Variants in CHRDL1 observed in about 807,000 individuals in gnomAD.
CHRDL1 encodes chordin like 1.
Under a neutral mutation model 40.9 loss-of-function variants are expected in CHRDL1, and 19 were observed. That is an observed-to-expected ratio of 0.46 (90% confidence interval 0.32 to 0.68). The LOEUF is 0.68. Among genes scored for constraint, CHRDL1 ranks in the 30% least tolerant of loss-of-function variants. The pLI is 0.03. For synonymous variants in CHRDL1, 136 were observed against 123.4 expected (o/e 1.10, Z -0.68); for missense variants, 329 against 352.1 (o/e 0.93, Z 0.53).
intron 2 of CHRDL1, among the ~76,000 whole-genome samples, chrX:110,784,952 G>A (rs545130677): frequency 8.9e-6 from 1 of 111,740 alleles, no homozygotes; most frequent in African/African-American, 3.2e-5. Flanking sequence ...CTAAGCTGAT[G>A]AAACCTGACC....
chrX:110,707,331 C>T (rs3005575), intron 6 of CHRDL1, among the ~76,000 whole-genome samples: 5,446 of 111,386 alleles, frequency 0.049, 340 homozygotes, highest in African/African-American at 0.17. Context: ...CCCATATAGC[C>T]AGGACAATCC....
chrX:110,683,482 A>G (rs12857107), intron 9 of CHRDL1, among the ~76,000 whole-genome samples: 53,500 of 110,647 alleles, frequency 0.48, 11,244 homozygotes, highest in African/African-American at 0.79. Flanking sequence ...ATGAAGGAGA[A>G]GTATTATTCC....
Position 110,676,096 on chromosome X carries a change from C to A in CHRDL1, c.*135G>T. ...ACTCCACACAAAGGAGCAAATTATG[C>A]TGTGCATGGCGTGAATAATTGACTG... is the stretch of plus-strand genomic sequence containing the variant. On this transcript the variant is annotated 3_prime_UTR_variant, in exon 12 of 12. Coordinates refer to ENST00000372042, the MANE Select transcript of CHRDL1 (RefSeq NM_001143981.2). The A allele has an allele frequency of 3.3e-6, 2 of 598,975 alleles. No homozygotes were observed. Among genetic ancestry groups the A allele is most frequent in the Non-Finnish European group, 5.1e-6 (2 of 389,804 alleles). The allele number at this position is 598,975 out of a possible 1,213,427, so 49.4% of individuals were successfully genotyped here.
intron 4 of CHRDL1, among the ~76,000 whole-genome samples, chrX:110,728,012 T>C (rs770435075): frequency 9.0e-6 from 1 of 111,685 alleles, no homozygotes; most frequent in East Asian, 2.8e-4. Context: ...AAAGAATAAG[T>C]TCTCTGTGCA....
intron 6 of CHRDL1, among the ~76,000 whole-genome samples, chrX:110,716,866 TAGAC>T (rs753274053): frequency 9.0e-6 from 1 of 111,501 alleles, no homozygotes; most frequent in East Asian, 2.8e-4. Flanking sequence ...AGTTGTTACT[TAGAC>T]AGCCCTTTTG....
At chrX:110,792,342 T>C in intron 1 of CHRDL1, 127 bp from the exon 2 acceptor site, 1 of 388,852 alleles carries the variant, frequency 2.6e-6, no homozygotes, top group Non-Finnish European at 4.5e-6. Flanking sequence ...TAAGTGTAAG[T>C]ATTGTCTGCC....
At chrX:110,736,048 T>C (rs1013437552) in intron 4 of CHRDL1, among the ~76,000 whole-genome samples, 2 of 112,434 alleles carry the variant, frequency 1.8e-5, no homozygotes, top group Non-Finnish European at 3.8e-5. Context: ...TGGAGGCCAC[T>C]GGCAGAGGGT....
At chrX:110,741,043 C>T (rs1026691117) in intron 4 of CHRDL1, among the ~76,000 whole-genome samples, 7 of 111,648 alleles carry the variant, frequency 6.3e-5, no homozygotes, top group Non-Finnish European at 1.1e-4. Flanking sequence ...CTAGAAGAAG[C>T]CAAAGGAAAA....
chrX:110,683,875 G>T (rs1197770268), intron 9 of CHRDL1, among the ~76,000 whole-genome samples: 1 of 111,831 alleles, frequency 8.9e-6, no homozygotes, highest in Non-Finnish European at 1.9e-5. Flanking sequence ...GTTTGCAAGT[G>T]GTTGCAGTTT....
chrX:110,694,308 G>A lies in CHRDL1; in HGVS notation c.633C>T (p.His211=), dbSNP rs1344119134. 9.1e-6 allele frequency: 11 copies of A among 1,208,578 alleles called. No homozygotes were observed. The highest frequency in any genetic ancestry group is 1.1e-5 in the Non-Finnish European group (10 of 893,654). The change falls in exon 8 of 12, where the codon CAC becomes CAT. Residue 211 remains histidine, a synonymous_variant. Transcript: ENST00000372042. ...REARHSYHRS[H]YDPPPSRQAG... ...CCTGTCGGCTTGGTGGAGGATCATAGTGAGAGCGGTGGTAAGAATGTCTCT... is the reference window on the plus strand; with the variant it reads ...CCTGTCGGCTTGGTGGAGGATCATAATGAGAGCGGTGGTAAGAATGTCTCT...
chrX:110,689,787 ATATC>A (rs1200660163), intron 8 of CHRDL1, among the ~76,000 whole-genome samples: 1 of 68,165 alleles, frequency 1.5e-5, no homozygotes. Context: ...ATATCTATAT[ATATC>A]TATACATCTA....
chrX:110,693,537 T>G (rs2070322264), intron 8 of CHRDL1, among the ~76,000 whole-genome samples: 1 of 110,174 alleles, frequency 9.1e-6, no homozygotes, highest in African/African-American at 3.3e-5. Context: ...CATTAAATTT[T>G]TTTTTGTAGA....
chrX:110,709,017 G>A (rs921158966), intron 6 of CHRDL1, among the ~76,000 whole-genome samples: 13 of 111,797 alleles, frequency 1.2e-4, no homozygotes, highest in Non-Finnish European at 2.1e-4. Context: ...GAACAGATTG[G>A]AGCCAAACAG....
At chrX:110,780,165 A>G (rs890162735) in intron 2 of CHRDL1, among the ~76,000 whole-genome samples, 3 of 110,306 alleles carry the variant, frequency 2.7e-5, no homozygotes, top group African/African-American at 9.9e-5. Flanking sequence ...CAATATGTAT[A>G]CCTTTTATTT....
At chrX:110,786,331 T>C (rs1395531575) in intron 2 of CHRDL1, among the ~76,000 whole-genome samples, 2 of 112,216 alleles carry the variant, frequency 1.8e-5, no homozygotes, top group Non-Finnish European at 3.8e-5. Flanking sequence ...CTTTCATCTC[T>C]AATGTGTATC....
chrX:110,702,001 T>C (rs906835004), intron 6 of CHRDL1, among the ~76,000 whole-genome samples: 1 of 111,984 alleles, frequency 8.9e-6, no homozygotes, highest in African/African-American at 3.2e-5. Context: ...TCAAATATTA[T>C]CTGATGAAAA....
chrX:110,683,108 C>T (rs2069935265), intron 9 of CHRDL1, among the ~76,000 whole-genome samples: 1 of 112,351 alleles, frequency 8.9e-6, no homozygotes, highest in Non-Finnish European at 1.9e-5. Flanking sequence ...CTGGCAGTAC[C>T]TGTAATATGC....
At chrX:110,689,460 ATATATATCTATATATC>A (rs1209955497) in intron 8 of CHRDL1, among the ~76,000 whole-genome samples, 2 of 52,429 alleles carry the variant, frequency 3.8e-5, no homozygotes, top group Non-Finnish European at 5.5e-5. Context: ...CTATATATCT[ATATATATCTATATATC>A]TATATATCTA....
chrX:110,791,749 T>G (rs1330728870), intron 2 of CHRDL1, among the ~76,000 whole-genome samples: 1 of 112,330 alleles, frequency 8.9e-6, no homozygotes, highest in Non-Finnish European at 1.9e-5. Context: ...GTCTGAAATT[T>G]GGGAAAATTC....
Sources: gnomAD v4.1 joint callset for allele counts (sites outside exome capture counted in the v4.1 genomes callset) on GRCh38, gnomAD v4.1.1 for gene constraint, MANE v1.5 for transcripts, NCBI Gene and HGNC (gene_info 2026-07-23, HGNC 2026-07-21) for gene names.